SUN1: variants seen among roughly 807,000 people sequenced by gnomAD.
SUN1 encodes the protein SUN domain-containing protein 1.
In SUN1, 61 loss-of-function variants were observed where a neutral mutation model predicts 103.2. The observed-to-expected ratio is 0.59, with a 90% CI of 0.48 to 0.73. The LOEUF (loss-of-function observed/expected upper bound fraction) is 0.73. Among genes scored for constraint, SUN1 ranks in the 30% least tolerant of loss-of-function variants. The pLI is 0.00. For synonymous variants in SUN1, 490 were observed against 425.7 expected (o/e 1.15, Z -1.86); for missense variants, 1,052 against 1,034.6 (o/e 1.02, Z -0.23).
In SUN1 at chr7:873,643, G is replaced by A. The variant is rs909213144; in HGVS notation, c.*312G>A. ...TCCTCAACAAAGGAGCAAAGCAGAG[G>A]AAGCTGAGAGTCTGGCGTGTTCTTG... On this transcript the variant is annotated 3_prime_UTR_variant, in exon 19 of 19. Coordinates refer to ENST00000401592, the MANE Select transcript of SUN1 (RefSeq NM_001130965.3). 3.9e-6 allele frequency: 1 copy of A among 258,812 alleles called. No individual in the cohort carries two copies. Among genetic ancestry groups the A allele is most frequent in the Non-Finnish European group, 7.4e-6 (1 of 135,064 alleles). The allele number at this position is 258,812 out of a possible 1,614,324, so 16.0% of individuals were successfully genotyped here. A position where few individuals can be genotyped will look rare whatever the true frequency, so the allele number is the denominator to read the frequency against.
At chr7:857,989 A>G (rs764728651) in intron 13 of SUN1, 32 bp downstream of exon 13, 4 of 1,524,812 alleles carry the variant, frequency 2.6e-6, no homozygotes, top group African/African-American at 2.8e-5. Context: ...TTTTTGTTTT[A>G]TAATAGAAAG....
upstream of SUN1, among the ~76,000 whole-genome samples, chr7:829,059 A>C (rs559020170): frequency 2.0e-5 from 3 of 152,402 alleles, no homozygotes; most frequent in South Asian, 6.2e-4. Context: ...AGGGAGGCAC[A>C]GATGCCAGCA....
chr7:867,743 G>C (rs1838166105), intron 16 of SUN1, among the ~76,000 whole-genome samples: 1 of 152,214 alleles, frequency 6.6e-6, no homozygotes, highest in Non-Finnish European at 1.5e-5. Flanking sequence ...CAGATATAAG[G>C]GACCAGCTCC....
intron 15 of SUN1, 126 bp from the exon 16 acceptor site, chr7:865,826 C>T: frequency 2.8e-6 from 2 of 720,466 alleles, no homozygotes; most frequent in Non-Finnish European, 4.8e-6. Flanking sequence ...ACTTGCATTT[C>T]TCTGAATATC....
At chr7:844,754 A>T (rs1026787155) in intron 5 of SUN1, among the ~76,000 whole-genome samples, 2 of 152,152 alleles carry the variant, frequency 1.3e-5, no homozygotes, top group African/African-American at 2.4e-5. Context: ...TTCATGGGTG[A>T]TCACGGCAGC....
intron 1 of SUN1, among the ~76,000 whole-genome samples, chr7:835,648 T>A (rs1802326195): frequency 6.6e-6 from 1 of 152,210 alleles, no homozygotes; most frequent in African/African-American, 2.4e-5. Context: ...CTGTGACAGA[T>A]GGTGTTACGG....
At chr7:822,965 C>T (rs918461035) in intron 1 of SUN1, among the ~76,000 whole-genome samples, 1 of 152,178 alleles carries the variant, frequency 6.6e-6, no homozygotes, top group South Asian at 2.1e-4. Flanking sequence ...AATTCCCACA[C>T]ACACACGGCC....
chr7:816,555 A>T, upstream of SUN1: 1 of 387,036 alleles, frequency 2.6e-6, no homozygotes, highest in South Asian at 1.8e-5. Context: ...GGGACTGGTG[A>T]AGGCCTGCGT....
At chr7:836,235 G>A (rs945598198) in intron 1 of SUN1, among the ~76,000 whole-genome samples, 2 of 152,330 alleles carry the variant, frequency 1.3e-5, no homozygotes, top group South Asian at 4.1e-4. Flanking sequence ...AGGGCCTCCT[G>A]CAGAGAGAGA....
chr7:865,917 C>T, intron 15 of SUN1, 35 bp from the exon 16 acceptor site: 1 of 1,579,606 alleles, frequency 6.3e-7, no homozygotes, highest in South Asian at 1.1e-5. Flanking sequence ...AATGGTGGAA[C>T]TGGACACTGA....
intron 14 of SUN1, among the ~76,000 whole-genome samples, 178 bp downstream of exon 14, chr7:860,560 C>T (rs1005577253): frequency 2.6e-5 from 4 of 152,282 alleles, no homozygotes; most frequent in Admixed American, 2.0e-4. Context: ...GGAGGGGGCA[C>T]CTGTGCGGTG....
intron 5 of SUN1, chr7:850,190 G>A (rs960851322): frequency 2.2e-4 from 147 of 683,102 alleles, no homozygotes; most frequent in African/African-American, 3.3e-4. Context: ...AATCTCTCTC[G>A]AAAAGCTCCC....
At chr7:869,168 G>T (rs1050448819) in intron 16 of SUN1, 181 bp from the exon 17 acceptor site, 4 of 699,146 alleles carry the variant, frequency 5.7e-6, no homozygotes, top group Non-Finnish European at 9.6e-6. Context: ...GTTGGAGATA[G>T]TGGCCCTCTG....
In SUN1 at chr7:832,505, T is replaced by G; in HGVS notation, c.-20T>G. 4 of 1,611,122 alleles carry G rather than the reference T, an allele frequency of 2.5e-6. No individual in the cohort carries two copies. The highest frequency in any genetic ancestry group is 3.4e-6 in the Non-Finnish European group (4 of 1,178,548). On this transcript the variant is annotated 5_prime_UTR_variant, in exon 1 of 19. Coordinates refer to ENST00000401592, the MANE Select transcript of SUN1 (RefSeq NM_001130965.3). ...TGCATTTCTTTCCCGCCCTCTGCAGTATGGTTTGAAGTGGTGAACATGGAT... is the reference window on the plus strand; with the variant it reads ...TGCATTTCTTTCCCGCCCTCTGCAGGATGGTTTGAAGTGGTGAACATGGAT...
At chr7:816,744 G>A (rs1489334202) in intron 1 of SUN1, 41 of 147,334 alleles carry the variant, frequency 2.8e-4, no homozygotes, top group Non-Finnish European at 4.7e-4. Flanking sequence ...CGAGGCGGGG[G>A]CCCGGGGGCC....
At chr7:824,639 G>C (rs1019432382) in intron 1 of SUN1, among the ~76,000 whole-genome samples, 1 of 152,216 alleles carries the variant, frequency 6.6e-6, no homozygotes, top group African/African-American at 2.4e-5. Context: ...GTAAGGAGAT[G>C]TGTGCACGTG....
chr7:845,468 A>G (rs755757523), intron 5 of SUN1, among the ~76,000 whole-genome samples: 7 of 152,150 alleles, frequency 4.6e-5, no homozygotes, highest in African/African-American at 7.2e-5. Context: ...AGAGTAAAAC[A>G]TGTTTATCAA....
chr7:844,867 C>T (rs1402617789), intron 5 of SUN1, among the ~76,000 whole-genome samples: 7 of 152,140 alleles, frequency 4.6e-5, no homozygotes, highest in Non-Finnish European at 5.9e-5. Flanking sequence ...CCAGGTGCTC[C>T]CCCTTAGCCA....
Position 838,801 on chromosome 7 carries a change from C to T in SUN1, c.81C>T (p.Ser27=). Residue 27 remains serine, a synonymous_variant, in exon 2 of 19, where the codon TCC becomes TCT. Coordinates refer to ENST00000401592, the MANE Select transcript of SUN1 (RefSeq NM_001130965.3). ...ENTGYTYALS[S]SYSSDALDFE... ...CTGATGAGCTTTTTCCTTCTAGTTC[C>T]AGCTATTCTTCAGATGCTCTGGATT... is the stretch of plus-strand genomic sequence containing the variant. 1 of 1,542,738 alleles carries T rather than the reference C, an allele frequency of 6.5e-7. No homozygotes were observed.
Sources: gnomAD v4.1 joint callset for allele counts (sites outside exome capture counted in the v4.1 genomes callset) on GRCh38, gnomAD v4.1.1 for gene constraint, MANE v1.5 for transcripts, NCBI Gene and HGNC (gene_info 2026-07-23, HGNC 2026-07-21) for gene names.